The following MYT1L variants were observed in gnomAD, a reference collection of about 807,000 sequenced individuals.
The protein encoded by MYT1L is myelin transcription factor 1-like protein.
MYT1L carries 12 observed loss-of-function variants against 126.7 expected under a neutral mutation model. The ratio of observed to expected loss-of-function variants is 0.09; its 90% CI spans 0.06 to 0.15. The LOEUF (loss-of-function observed/expected upper bound fraction) is 0.15, where lower values mean the gene tolerates loss of function less well. MYT1L is among the 10% of genes least tolerant of loss of function. The pLI is 1.00. For missense variants in MYT1L, 979 were observed against 1,585.2 expected, an observed-to-expected ratio of 0.62 and a Z score of 6.49; for synonymous variants, 541 against 604.2, an observed-to-expected ratio of 0.90 and a Z score of 1.53.
intron 2 of MYT1L, among the ~76,000 whole-genome samples, chr2:2,202,781 C>G (rs552556174): frequency 1.3e-5 from 2 of 152,170 alleles, no homozygotes; most frequent in African/African-American, 2.4e-5. Flanking sequence ...ATGAGGCCAA[C>G]ATCATCCTGA....
intron 2 of MYT1L, among the ~76,000 whole-genome samples, chr2:2,187,952 TTC>T (rs572401141): frequency 1.2e-3 from 181 of 152,312 alleles, no homozygotes; most frequent in African/African-American, 4.1e-3. Flanking sequence ...ATCATTTATA[TTC>T]TCTTATATTA....
intron 3 of MYT1L, among the ~76,000 whole-genome samples, chr2:2,076,003 A>G (rs1025907245): frequency 6.6e-6 from 1 of 152,232 alleles, no homozygotes; most frequent in Non-Finnish European, 1.5e-5. Flanking sequence ...TTTATCTGAA[A>G]TTGCAGCTCT....
chr2:1,890,463 C>T (rs2048718515), intron 15 of MYT1L, among the ~76,000 whole-genome samples: 1 of 152,040 alleles, frequency 6.6e-6, no homozygotes, highest in Non-Finnish European at 1.5e-5. Flanking sequence ...ACAGTGATTA[C>T]CGTCTGATCT....
chr2:1,927,634 C>T (rs558090790), intron 9 of MYT1L, among the ~76,000 whole-genome samples: 42 of 152,218 alleles, frequency 2.8e-4, no homozygotes, highest in Middle Eastern at 6.8e-3. Context: ...GGCAAGTAAA[C>T]GTACAGCTGA....
intron 3 of MYT1L, among the ~76,000 whole-genome samples, chr2:2,074,216 C>T (rs2074959289): frequency 6.6e-6 from 1 of 152,154 alleles, no homozygotes; most frequent in Non-Finnish European, 1.5e-5. Context: ...GTTAAAGATC[C>T]TTTTTCTAAC....
chr2:1,973,316 C>T (rs1047702593), intron 8 of MYT1L, among the ~76,000 whole-genome samples: 1 of 152,054 alleles, frequency 6.6e-6, no homozygotes, highest in Non-Finnish European at 1.5e-5. Context: ...TTGATTATTC[C>T]TATTTCTAAT....
At chr2:2,267,055 G>T (rs2095149530) in intron 2 of MYT1L, among the ~76,000 whole-genome samples, 1 of 152,252 alleles carries the variant, frequency 6.6e-6, no homozygotes, top group Non-Finnish European at 1.5e-5. Flanking sequence ...TACGGCCATG[G>T]TGAACCAGAG....
chr2:2,150,089 G>A (rs534325709), intron 3 of MYT1L, among the ~76,000 whole-genome samples: 60 of 152,274 alleles, frequency 3.9e-4, no homozygotes, highest in Non-Finnish European at 7.1e-4. Flanking sequence ...TTACACCGGT[G>A]GGACAGGTTG....
At chr2:1,986,529 G>A (rs962644554) in intron 5 of MYT1L, among the ~76,000 whole-genome samples, 7 of 152,162 alleles carry the variant, frequency 4.6e-5, no homozygotes, top group Non-Finnish European at 7.3e-5. Flanking sequence ...CAAAGGCTTC[G>A]AAGATGTCTA....
chr2:2,095,564 G>T (rs2077360417), intron 3 of MYT1L, among the ~76,000 whole-genome samples: 1 of 151,706 alleles, frequency 6.6e-6, no homozygotes, highest in Non-Finnish European at 1.5e-5. Context: ...GTGGCCGCGG[G>T]GGGTCACTAC....
At chr2:2,068,024 G>A (rs2074089486) in intron 3 of MYT1L, among the ~76,000 whole-genome samples, 1 of 152,158 alleles carries the variant, frequency 6.6e-6, no homozygotes, top group South Asian at 2.1e-4. Context: ...CCAAATTTTG[G>A]AGAGATAAAA....
chr2:2,190,765 C>T (rs960852768), intron 2 of MYT1L, among the ~76,000 whole-genome samples: 1 of 152,126 alleles, frequency 6.6e-6, no homozygotes, highest in African/African-American at 2.4e-5. Context: ...CATGATCAAG[C>T]GTATGGCAGG....
At chr2:2,202,901 G>A (rs1406192315) in intron 2 of MYT1L, among the ~76,000 whole-genome samples, 2 of 152,130 alleles carry the variant, frequency 1.3e-5, no homozygotes, top group African/African-American at 4.8e-5. Context: ...GAATCCAGCA[G>A]CACATCAAAA....
intron 3 of MYT1L, among the ~76,000 whole-genome samples, chr2:2,122,106 G>A (rs2081097813): frequency 6.6e-6 from 1 of 152,216 alleles, no homozygotes; most frequent in South Asian, 2.1e-4. Context: ...TGGCACTGGT[G>A]AGATCCCACA....
chr2:1,853,832 A>G (rs2043576042), intron 18 of MYT1L, among the ~76,000 whole-genome samples: 1 of 152,174 alleles, frequency 6.6e-6, no homozygotes, highest in Non-Finnish European at 1.5e-5. Context: ...TTAAAGTGAG[A>G]TATTATAGCC....
At chr2:1,921,753 T>A (rs545932438) in intron 10 of MYT1L, among the ~76,000 whole-genome samples, 101 of 152,322 alleles carry the variant, frequency 6.6e-4, no homozygotes, top group African/African-American at 2.3e-3. Context: ...CCTTATCTTA[T>A]GTTATCGGTC....
At chr2:1,944,406 G>T (rs777853636) in intron 8 of MYT1L, among the ~76,000 whole-genome samples, 1 of 152,210 alleles carries the variant, frequency 6.6e-6, no homozygotes, top group East Asian at 1.9e-4. Context: ...GCAAACTACC[G>T]CAGGCAAATA....
chr2:2,116,022 A>G (rs1304000189), intron 3 of MYT1L, among the ~76,000 whole-genome samples: 5 of 151,300 alleles, frequency 3.3e-5, no homozygotes, highest in Non-Finnish European at 5.9e-5. Flanking sequence ...GAGGCTGAGA[A>G]GTAGGATGCA....
chr2:2,195,193 G>C (rs998214480), intron 2 of MYT1L, among the ~76,000 whole-genome samples: 1 of 152,196 alleles, frequency 6.6e-6, no homozygotes, highest in Non-Finnish European at 1.5e-5. Flanking sequence ...ATACCAAAGA[G>C]TTTCATGATG....
Sources: allele counts gnomAD v4.1 joint callset (sites outside exome capture counted in the v4.1 genomes callset), GRCh38; gene constraint gnomAD v4.1.1; transcripts MANE v1.5; gene names NCBI Gene and HGNC (gene_info 2026-07-23, HGNC 2026-07-21).